The following FRMD4B variants were observed in gnomAD, a reference collection of about 807,000 sequenced individuals.
FRMD4B encodes FERM domain containing 4B.
A neutral mutation model predicts 141.5 loss-of-function variants in FRMD4B; 74 were observed. The ratio of observed to expected loss-of-function variants is 0.52; its 90% CI spans 0.43 to 0.63. The LOEUF (loss-of-function observed/expected upper bound fraction) is 0.63. Among genes scored for constraint, FRMD4B ranks in the 30% least tolerant of loss-of-function variants. FRMD4B has a pLI of 0.00. For synonymous variants in FRMD4B, 506 were observed against 467.9 expected (o/e 1.08, Z -1.05); for missense variants, 1,366 against 1,253.4 (o/e 1.09, Z -1.36).
At position 69,196,989 on chromosome 3, in the gene FRMD4B, T is replaced by C; in HGVS notation, c.1003A>G (p.Thr335Ala). 1 of 1,607,416 alleles carries C rather than the reference T, an allele frequency of 6.2e-7. No individual in the cohort carries two copies. The highest frequency in any genetic ancestry group is 8.5e-7 in the Non-Finnish European group (1 of 1,173,870). ...TFGQSGLFVQ[T>A]WYANSSLIKS... ...ATGAGAGAAGAGTTAGCATACCATGTTTGCACAAACAAGCCACTTTGCCCA... is the reference window on the plus strand; with the variant it reads ...ATGAGAGAAGAGTTAGCATACCATGCTTGCACAAACAAGCCACTTTGCCCA... The change falls in exon 13 of 23, where the codon ACA becomes GCA. Residue 335 changes from threonine to alanine, a missense_variant. Transcript: ENST00000398540.
chr3:69,215,984 T>C (rs1575618891), intron 11 of FRMD4B, among the ~76,000 whole-genome samples: 2 of 152,058 alleles, frequency 1.3e-5, no homozygotes, highest in East Asian at 1.9e-4. Context: ...CAAAACCCCG[T>C]CTCTACTAAA....
intron 2 of FRMD4B, among the ~76,000 whole-genome samples, chr3:69,414,128 T>C (rs1047497108): frequency 1.3e-5 from 2 of 152,136 alleles, no homozygotes; most frequent in African/African-American, 2.4e-5. Flanking sequence ...ATTTCATCTA[T>C]AGGGAGAGAG....
At chr3:69,458,906 C>T (rs138015655) in intron 1 of FRMD4B, among the ~76,000 whole-genome samples, 41 of 149,058 alleles carry the variant, frequency 2.8e-4, no homozygotes, top group South Asian at 1.3e-3. Flanking sequence ...CCCACCACTT[C>T]GGATTCACAA....
intron 11 of FRMD4B, among the ~76,000 whole-genome samples, chr3:69,212,376 A>AAAAG (rs2093092611): frequency 1.1e-5 from 1 of 89,802 alleles, no homozygotes; most frequent in Non-Finnish European, 2.2e-5. Context: ...AAAAAAAAAA[A>AAAAG]AAAAGAAAAA....
intron 5 of FRMD4B, among the ~76,000 whole-genome samples, chr3:69,277,552 G>GTGC (rs2093623680): frequency 1.1e-5 from 1 of 94,130 alleles, no homozygotes; most frequent in Non-Finnish European, 1.9e-5. Context: ...TTGAGATGGA[G>GTGC]TGTTGTTGTC....
chr3:69,356,958 C>G (rs988299147), intron 1 of FRMD4B, among the ~76,000 whole-genome samples: 1 of 152,116 alleles, frequency 6.6e-6, no homozygotes, highest in Non-Finnish European at 1.5e-5. Context: ...TTAAACAAAA[C>G]TTTATTTGCA....
chr3:69,466,233 G>A (rs755119639), intron 1 of FRMD4B, among the ~76,000 whole-genome samples: 1 of 151,954 alleles, frequency 6.6e-6, no homozygotes, highest in Admixed American at 6.6e-5. Flanking sequence ...CTTTTTGATG[G>A]GGTTGTTTGT....
intron 1 of FRMD4B, among the ~76,000 whole-genome samples, chr3:69,438,263 C>T (rs559783068): frequency 6.6e-6 from 1 of 151,602 alleles, no homozygotes; most frequent in Non-Finnish European, 1.5e-5. Flanking sequence ...CATTACCACA[C>T]CTGGGTAACT....
chr3:69,450,583 T>A (rs1488453448), intron 1 of FRMD4B, among the ~76,000 whole-genome samples: 1 of 152,248 alleles, frequency 6.6e-6, no homozygotes, highest in East Asian at 1.9e-4. Flanking sequence ...GGAAACCCCG[T>A]CTCTACTGAA....
intron 12 of FRMD4B, chr3:69,198,468 C>T (rs2092930868): frequency 4.1e-6 from 2 of 487,328 alleles, no homozygotes; most frequent in South Asian, 6.8e-5. Flanking sequence ...GGCATTGGAA[C>T]CACATATACT....
At chr3:69,239,320 TC>T (rs1159494442) in intron 7 of FRMD4B, among the ~76,000 whole-genome samples, 1 of 152,232 alleles carries the variant, frequency 6.6e-6, no homozygotes, top group East Asian at 1.9e-4. Flanking sequence ...AATTCCTTTG[TC>T]ATTACATTTT....
At chr3:69,296,810 C>T (rs370534055) in intron 4 of FRMD4B, among the ~76,000 whole-genome samples, 11 of 152,198 alleles carry the variant, frequency 7.2e-5, no homozygotes, top group African/African-American at 1.9e-4. Flanking sequence ...TTCCTCTTAT[C>T]GCTTTTCACA....
chr3:69,502,146 A>G (rs2107066920), intron 1 of FRMD4B, among the ~76,000 whole-genome samples: 1 of 152,296 alleles, frequency 6.6e-6, no homozygotes, highest in African/African-American at 2.4e-5. Context: ...CCATCAAGCT[A>G]CCAATGACTT....
intron 1 of FRMD4B, among the ~76,000 whole-genome samples, chr3:69,474,715 T>G (rs569112422): frequency 2.6e-5 from 4 of 152,278 alleles, no homozygotes; most frequent in East Asian, 1.9e-4. Flanking sequence ...GTGCTATTAC[T>G]CATCCATTCA....
intron 1 of FRMD4B, among the ~76,000 whole-genome samples, chr3:69,477,173 T>C (rs1706016476): frequency 6.6e-6 from 1 of 152,152 alleles, no homozygotes; most frequent in African/African-American, 2.4e-5. Flanking sequence ...GACTTCCTCT[T>C]TTCCTAATTG....
intron 7 of FRMD4B, among the ~76,000 whole-genome samples, chr3:69,247,412 T>C (rs2093432036): frequency 6.6e-6 from 1 of 152,146 alleles, no homozygotes; most frequent in Non-Finnish European, 1.5e-5. Flanking sequence ...TTTTTAAAAA[T>C]CACCCCCATA....
chr3:69,413,582 C>T lies in FRMD4B; in HGVS notation c.-1+19052G>A, dbSNP rs114189031. Among the ~76,000 whole-genome samples the T allele has an allele frequency of 6.2e-3, 948 of 152,294 alleles. 7 individuals carry two copies. Among genetic ancestry groups the T allele is most frequent in the African/African-American group, 0.015 (631 of 41,544 alleles). On this transcript the variant is annotated intron_variant, in intron 2 of 5. Transcript: ENST00000459638. The stretch of plus-strand genomic sequence containing the variant: ...AGTAACCCCATTTCATAACCAGGCT[C>T]CCTCAAATGTCATTAAATCCTAGCA...
intron 1 of FRMD4B, among the ~76,000 whole-genome samples, chr3:69,473,230 C>A (rs529883380): frequency 6.6e-6 from 1 of 152,016 alleles, no homozygotes; most frequent in South Asian, 2.1e-4. Flanking sequence ...ATACTCCATA[C>A]CTCCAGCAAG....
intron 10 of FRMD4B, among the ~76,000 whole-genome samples, chr3:69,217,755 C>T (rs897074811): frequency 1.3e-5 from 2 of 152,160 alleles, no homozygotes; most frequent in African/African-American, 4.8e-5. Context: ...AAAAGTCAAT[C>T]AAGAACTGAT....
Sources: gnomAD v4.1 joint callset for allele counts (sites outside exome capture counted in the v4.1 genomes callset) on GRCh38, gnomAD v4.1.1 for gene constraint, MANE v1.5 for transcripts, NCBI Gene and HGNC (gene_info 2026-07-23, HGNC 2026-07-21) for gene names.